TRPM3: variants seen among roughly 807,000 people sequenced by gnomAD.
The protein encoded by TRPM3 is long transient receptor potential channel 3.
A neutral mutation model predicts 181.2 loss-of-function variants in TRPM3; 77 were observed. The ratio of observed to expected loss-of-function variants is 0.42; its 90% CI spans 0.35 to 0.51. TRPM3 has a LOEUF of 0.51. Ranked by LOEUF, TRPM3 falls within the 20% of genes least tolerant of loss-of-function variation. The pLI, the probability that TRPM3 is intolerant of heterozygous loss-of-function variation, is 0.01. For missense variants in TRPM3, 1,759 were observed against 2,196.7 expected (o/e 0.80, Z 3.98); for synonymous variants, 745 against 796.4 (o/e 0.94, Z 1.09).
chr9:71,296,732 G>A (rs936757737), intron 1 of TRPM3, among the ~76,000 whole-genome samples: 15 of 152,152 alleles, frequency 9.9e-5, no homozygotes, highest in Non-Finnish European at 1.9e-4. Context: ...CGGACCATTA[G>A]AAGATTGCTA....
Position 70,618,868 on chromosome 9 carries a change from T to C in TRPM3, c.2357A>G (p.Lys786Arg). ...RLRMRKNSGL[K>R]VILGILLPPS... ...GAGGGCCTTATTGGGCGCCCTGACC[T>C]TGAGGCCTGAGTTCTTGCGCATGCG... The change falls in exon 17 of 26, where the codon AAG (lysine) becomes AGG (arginine). Residue 786 changes from lysine to arginine, a missense_variant and splice_region_variant. This residue lies in a region of TRPM3 where 114 missense variants were observed against 134.8 expected (regional missense o/e 0.85). Transcript: ENST00000677713. The C allele has an allele frequency of 6.2e-7, 1 of 1,604,594 alleles. No homozygotes were observed. The highest frequency in any genetic ancestry group is 1.3e-5 in the African/African-American group (1 of 75,050).
chr9:70,593,227 T>C (rs1475769936), intron 21 of TRPM3, among the ~76,000 whole-genome samples: 1 of 152,192 alleles, frequency 6.6e-6, no homozygotes, highest in African/African-American at 2.4e-5. Context: ...TCTTTAAAGT[T>C]GTATGCTAAT....
At chr9:71,053,090 A>AG in intron 1 of TRPM3, among the ~76,000 whole-genome samples, 1 of 105,830 alleles carries the variant, frequency 9.4e-6, no homozygotes, top group East Asian at 2.9e-4. Context: ...AACCATCCTA[A>AG]GGAAAAAAAA....
intron 14 of TRPM3, among the ~76,000 whole-genome samples, chr9:70,623,806 C>T (rs2064016846): frequency 6.6e-6 from 1 of 151,874 alleles, no homozygotes. Context: ...GTATACTGAA[C>T]TATTATGGGT....
At chr9:70,980,370 A>AAGAGAG (rs150201490) in intron 1 of TRPM3, among the ~76,000 whole-genome samples, 5 of 148,276 alleles carry the variant, frequency 3.4e-5, no homozygotes, top group South Asian at 2.1e-4. Context: ...AGAAGGGGGA[A>AAGAGAG]AGAGAGAGAG....
chr9:71,192,816 A>T (rs1587871765), intron 1 of TRPM3, among the ~76,000 whole-genome samples: 1 of 151,932 alleles, frequency 6.6e-6, no homozygotes, highest in East Asian at 1.9e-4. Context: ...CGTCATATCC[A>T]AGAAAATCAT....
At chr9:71,030,330 C>T (rs576801701) in intron 1 of TRPM3, among the ~76,000 whole-genome samples, 9 of 152,120 alleles carry the variant, frequency 5.9e-5, no homozygotes, top group East Asian at 1.9e-4. Context: ...TTTCGTAGGC[C>T]GAGGTGGGCA....
At chr9:70,756,745 A>G (rs549638286) in intron 8 of TRPM3, among the ~76,000 whole-genome samples, 8 of 152,356 alleles carry the variant, frequency 5.3e-5, no homozygotes, top group African/African-American at 1.9e-4. Context: ...TACTGGGTAA[A>G]TAATGAAATT....
At chr9:70,871,608 T>C (rs980911831) in intron 1 of TRPM3, among the ~76,000 whole-genome samples, 5 of 152,006 alleles carry the variant, frequency 3.3e-5, no homozygotes, top group Non-Finnish European at 5.9e-5. Context: ...AGATTATCTT[T>C]AGGACCCTTT....
rs183441012 is a variant in TRPM3 at position 71,094,700 on chromosome 9, G to A, written c.177+26478C>T. 2.6e-5 allele frequency among the ~76,000 whole-genome samples: 4 copies of A among 152,126 alleles called. No homozygotes were observed. The East Asian group carries it at 7.7e-4, about 29-fold the overall frequency. ...TATAAGTCTGTTGGGAGAATTGAATGCATTCGGTGCATAAAAGTATCACAC... is the reference window on the plus strand; with the variant it reads ...TATAAGTCTGTTGGGAGAATTGAATACATTCGGTGCATAAAAGTATCACAC... On this transcript the variant is annotated intron_variant, in intron 1 of 25. Coordinates refer to ENST00000677713, the MANE Select transcript of TRPM3 (RefSeq NM_001366145.2).
intron 1 of TRPM3, among the ~76,000 whole-genome samples, chr9:70,906,000 G>A (rs2096459816): frequency 6.6e-6 from 1 of 152,126 alleles, no homozygotes; most frequent in African/African-American, 2.4e-5. Flanking sequence ...GAGATTACAG[G>A]TGGGAGCCAC....
At chr9:71,004,412 A>C (rs900705282) in intron 1 of TRPM3, among the ~76,000 whole-genome samples, 1 of 152,246 alleles carries the variant, frequency 6.6e-6, no homozygotes, top group Admixed American at 6.5e-5. Flanking sequence ...TGCTCACTGT[A>C]AGTCTTCCGC....
At chr9:71,174,717 A>G (rs544890613) in intron 1 of TRPM3, among the ~76,000 whole-genome samples, 51 of 152,254 alleles carry the variant, frequency 3.3e-4, no homozygotes, top group Admixed American at 3.3e-3. Flanking sequence ...TGAGGGTGAA[A>G]AAGAAGCCAT....
chr9:71,276,089 C>T (rs556872009), intron 1 of TRPM3, among the ~76,000 whole-genome samples: 1 of 152,266 alleles, frequency 6.6e-6, no homozygotes, highest in East Asian at 1.9e-4. Flanking sequence ...GATCCACCTG[C>T]CTCGGCCTCC....
At chr9:71,075,941 G>A (rs185937205) in intron 1 of TRPM3, among the ~76,000 whole-genome samples, 23 of 152,244 alleles carry the variant, frequency 1.5e-4, no homozygotes, top group Admixed American at 1.5e-3. Context: ...GAAATCACTG[G>A]TCATAGCAAA....
At chr9:71,408,448 G>A (rs1485566405) in intron 1 of TRPM3, among the ~76,000 whole-genome samples, 7 of 152,140 alleles carry the variant, frequency 4.6e-5, no homozygotes, top group Non-Finnish European at 1.0e-4. Context: ...CGAGAACTAC[G>A]TGATGCATGC....
intron 1 of TRPM3, among the ~76,000 whole-genome samples, chr9:71,142,240 T>C (rs1228200704): frequency 6.6e-6 from 1 of 152,184 alleles, no homozygotes; most frequent in Non-Finnish European, 1.5e-5. Flanking sequence ...GTCAGTCTCT[T>C]GGCAGAGCAT....
intron 1 of TRPM3, among the ~76,000 whole-genome samples, chr9:71,401,151 T>C (rs1468493963): frequency 2.1e-5 from 3 of 144,322 alleles, no homozygotes; most frequent in African/African-American, 5.3e-5. Flanking sequence ...TGAGCCAAGA[T>C]CGTGCCACTG....
At chr9:71,132,962 A>C (rs1399256269) in intron 1 of TRPM3, among the ~76,000 whole-genome samples, 1 of 152,154 alleles carries the variant, frequency 6.6e-6, no homozygotes, top group African/African-American at 2.4e-5. Flanking sequence ...TACAGTACTC[A>C]ATCATATGTT....
Sources: gnomAD v4.1 joint callset for allele counts (sites outside exome capture counted in the v4.1 genomes callset) on GRCh38, gnomAD v4.1.1 for gene constraint, gnomAD v4.1.1 regional missense constraint, MANE v1.5 for transcripts, NCBI Gene and HGNC (gene_info 2026-07-23, HGNC 2026-07-21) for gene names.